The following SPAG16 variants were observed in gnomAD, a reference collection of about 807,000 sequenced individuals.
The protein encoded by SPAG16 is sperm associated antigen 16.
SPAG16 carries 86 observed loss-of-function variants against 80.4 expected under a neutral mutation model. The observed-to-expected ratio is 1.07, with a 90% confidence interval of 0.90 to 1.28. SPAG16 has a LOEUF of 1.28. Ranked by LOEUF, SPAG16 falls within the 50% of genes most tolerant of loss-of-function variation. SPAG16 has a pLI of 0.00. For missense variants in SPAG16, 870 were observed against 765.3 expected, an observed-to-expected ratio of 1.14 and a Z score of -1.61; for synonymous variants, 294 against 265.9, an observed-to-expected ratio of 1.11 and a Z score of -1.03.
At chr2:213,396,782 C>T (rs2068057325) in intron 9 of SPAG16, 1 of 378,274 alleles carries the variant, frequency 2.6e-6, no homozygotes, top group African/African-American at 2.1e-5. Flanking sequence ...TCCAATCCTC[C>T]CTTTCGTCAA....
chr2:214,150,452 A>G (rs1312507684), intron 15 of SPAG16, among the ~76,000 whole-genome samples: 5 of 152,076 alleles, frequency 3.3e-5, no homozygotes, highest in African/African-American at 7.2e-5. Context: ...TCAAAATAGA[A>G]GTCTCAACTA....
chr2:214,162,128 G>A (rs746041442), intron 15 of SPAG16, among the ~76,000 whole-genome samples: 24 of 152,012 alleles, frequency 1.6e-4, no homozygotes, highest in Non-Finnish European at 3.1e-4. Context: ...TTTGTTTCTC[G>A]TTCCCTTATC....
chr2:214,091,289 A>C (rs1020561242), intron 13 of SPAG16, among the ~76,000 whole-genome samples: 3 of 152,098 alleles, frequency 2.0e-5, no homozygotes, highest in African/African-American at 7.2e-5. Flanking sequence ...AAAATCTGTA[A>C]TAAAACTACT....
intron 9 of SPAG16, among the ~76,000 whole-genome samples, chr2:213,411,217 G>A (rs2068947944): frequency 6.6e-6 from 1 of 152,218 alleles, no homozygotes. Context: ...TGTAAAGCAA[G>A]AGAAGCCCCT....
intron 10 of SPAG16, among the ~76,000 whole-genome samples, chr2:213,554,160 G>A (rs2059350758): frequency 6.6e-6 from 1 of 152,174 alleles, no homozygotes; most frequent in African/African-American, 2.4e-5. Context: ...AGGAGGTCAT[G>A]AGGACATTAA....
intron 10 of SPAG16, among the ~76,000 whole-genome samples, chr2:213,605,094 T>A (rs1467543908): frequency 1.3e-5 from 2 of 151,992 alleles, no homozygotes; most frequent in Non-Finnish European, 2.9e-5. Context: ...TGTGGAATAT[T>A]TCATGTATAC....
chr2:214,082,459 A>G (rs2051447050), intron 13 of SPAG16, among the ~76,000 whole-genome samples: 1 of 152,094 alleles, frequency 6.6e-6, no homozygotes, highest in Non-Finnish European at 1.5e-5. Flanking sequence ...CATTTTTAGG[A>G]TATGATTGCC....
intron 15 of SPAG16, among the ~76,000 whole-genome samples, chr2:214,225,746 TTATAA>T (rs1243091730): frequency 1.2e-4 from 18 of 152,260 alleles, no homozygotes; most frequent in African/African-American, 3.6e-4. Context: ...TTTACTTTAC[TTATAA>T]TATAGTATCT....
At chr2:213,392,518 A>G (rs900318851) in intron 9 of SPAG16, among the ~76,000 whole-genome samples, 8 of 152,178 alleles carry the variant, frequency 5.3e-5, no homozygotes, top group East Asian at 3.8e-4. Context: ...ATCTATAACC[A>G]TATGCAAATG....
intron 14 of SPAG16, among the ~76,000 whole-genome samples, chr2:214,108,480 C>CA (rs56781283): frequency 0.11 from 5,665 of 52,446 alleles, 166 homozygotes; most frequent in South Asian, 0.15. Flanking sequence ...CACACACACA[C>CA]CCCCACACAC....
chr2:213,411,551 A>T (rs183844455), intron 9 of SPAG16, among the ~76,000 whole-genome samples: 3 of 152,304 alleles, frequency 2.0e-5, no homozygotes, highest in African/African-American at 7.2e-5. Context: ...TTGTATCTTC[A>T]TCCCAAACAA....
chr2:213,944,373 G>A (rs1156245918), intron 12 of SPAG16, among the ~76,000 whole-genome samples: 1 of 152,192 alleles, frequency 6.6e-6, no homozygotes, highest in Non-Finnish European at 1.5e-5. Flanking sequence ...CTAGGTTTTG[G>A]AGTTTCTTGA....
intron 10 of SPAG16, among the ~76,000 whole-genome samples, chr2:213,613,261 TG>T (rs888979223): frequency 1.3e-5 from 2 of 152,202 alleles, no homozygotes; most frequent in African/African-American, 2.4e-5. Flanking sequence ...TTAAAATATA[TG>T]GAGATCATTG....
chr2:213,350,693 T>G, intron 7 of SPAG16, 48 bp downstream of exon 7: 1 of 1,077,220 alleles, frequency 9.3e-7, no homozygotes, highest in Non-Finnish European at 1.3e-6. Flanking sequence ...TAATCATTTT[T>G]TTAATAATAC....
rs78991667 is a variant in SPAG16 at position 213,583,440 on chromosome 2, A to G, written c.1070+93350A>G. Among the ~76,000 whole-genome samples, 105 of 152,284 alleles carry G rather than the reference A, an allele frequency of 6.9e-4. 1 individual carries two copies. In the East Asian group the frequency reaches 0.015, roughly 22 times the overall value. The stretch of plus-strand genomic sequence containing the variant: ...CAGTTGTGGTAAAGCACTTTTCCAA[A>G]TTTTGTTAACTAGCTTGACCTTCTT... On this transcript the variant is annotated intron_variant, in intron 10 of 15. Coordinates refer to ENST00000331683, the MANE Select transcript of SPAG16 (RefSeq NM_024532.5).
intron 15 of SPAG16, among the ~76,000 whole-genome samples, chr2:214,197,087 G>A (rs1020495335): frequency 6.6e-6 from 1 of 151,950 alleles, no homozygotes; most frequent in South Asian, 2.1e-4. Flanking sequence ...ATGAAGCTTT[G>A]AAACTTGCTT....
At chr2:213,691,198 C>G (rs908273330) in intron 10 of SPAG16, among the ~76,000 whole-genome samples, 6 of 152,176 alleles carry the variant, frequency 3.9e-5, no homozygotes, top group Admixed American at 3.9e-4. Context: ...TAGCCAGTCT[C>G]TAAAGATAAC....
chr2:213,654,174 C>A (rs2125156465), intron 10 of SPAG16, among the ~76,000 whole-genome samples: 1 of 152,240 alleles, frequency 6.6e-6, no homozygotes, highest in East Asian at 1.9e-4. Context: ...CATATATTCA[C>A]TTATCTAAAT....
intron 15 of SPAG16, among the ~76,000 whole-genome samples, chr2:214,202,022 T>G (rs1001614921): frequency 2.0e-5 from 3 of 152,032 alleles, no homozygotes; most frequent in African/African-American, 7.2e-5. Context: ...ATATTTGTAA[T>G]TTTGTGTAGA....
Sources: allele counts gnomAD v4.1 joint callset (sites outside exome capture counted in the v4.1 genomes callset), GRCh38; gene constraint gnomAD v4.1.1; transcripts MANE v1.5; gene names NCBI Gene and HGNC (gene_info 2026-07-23, HGNC 2026-07-21).